Variants in OS9 observed in about 807,000 individuals in gnomAD.
The protein encoded by OS9 is protein OS-9.
Under a neutral mutation model 84.7 loss-of-function variants are expected in OS9, and 58 were observed. That is an observed-to-expected ratio of 0.68 (90% CI 0.55 to 0.85). The LOEUF (loss-of-function observed/expected upper bound fraction) is 0.85. Among genes scored for constraint, OS9 ranks in the 40% least tolerant of loss-of-function variants. The pLI, the probability that OS9 is intolerant of heterozygous loss-of-function variation, is 0.00. For missense variants in OS9, 760 were observed against 850.9 expected, an observed-to-expected ratio of 0.89 and a Z score of 1.33; for synonymous variants, 278 against 320.8, an observed-to-expected ratio of 0.87 and a Z score of 1.43.
Position 57,719,000 on chromosome 12 carries a change from A to AAG in OS9, c.1421_1422dup (p.Leu475SerfsTer7). The AAG allele has an allele frequency of 6.2e-7, 1 of 1,613,048 alleles. No homozygotes were observed. The highest frequency in any genetic ancestry group is 8.5e-7 in the Non-Finnish European group (1 of 1,179,608). On this transcript the variant is annotated frameshift_variant, in exon 12 of 15. Coordinates refer to ENST00000315970, the MANE Select transcript of OS9 (RefSeq NM_006812.4). LOFTEE classifies it high-confidence loss of function. ...TTCTCTTGGGTATTCCAGACAGAGA[A>AAG]AGAGCTGGACCCAGATGGGCTGAAG...
At chr12:57,719,892 G>A (rs1369037223) in intron 12 of OS9, 7 of 529,398 alleles carry the variant, frequency 1.3e-5, no homozygotes, top group Non-Finnish European at 2.3e-5. Context: ...AGGGCGGGAA[G>A]ATGGAAGGCT....
Position 57,721,021 on chromosome 12 carries a change from T to C in OS9, c.*112T>C. Reference sequence around the variant, plus strand: ...TGAGGGCCAAACAGCAGAGTGGAGCTGAGCTGTGGACCTCTCGGGCAACTC... The same window carrying C: ...TGAGGGCCAAACAGCAGAGTGGAGCCGAGCTGTGGACCTCTCGGGCAACTC... On this transcript the variant is annotated 3_prime_UTR_variant, in exon 15 of 15. Coordinates refer to ENST00000315970, the MANE Select transcript of OS9 (RefSeq NM_006812.4). 5 of 1,289,548 alleles carry C rather than the reference T, an allele frequency of 3.9e-6. No homozygotes were observed. Among genetic ancestry groups the C allele is most frequent in the Non-Finnish European group, 5.5e-6 (5 of 910,200 alleles). 79.9% of individuals were successfully genotyped at this position (1,289,548 alleles called of 1,614,324 possible). A position where few individuals can be genotyped will look rare whatever the true frequency, so the allele number is the denominator to read the frequency against.
In OS9 at chr12:57,695,185, G is replaced by A. The variant is rs1428685477; in HGVS notation, c.339+259G>A. ...AAGATTGAGGGTCTGCGTGGGGTAG[G>A]AGGAGTACTTCCTTAAGCCTACTTG... On this transcript the variant is annotated intron_variant, in intron 2 of 14. Transcript: ENST00000315970. 4 of 514,310 alleles carry A rather than the reference G, an allele frequency of 7.8e-6. No homozygotes were observed. In the East Asian group the frequency reaches 1.1e-4, roughly 14 times the overall value. The allele number at this position is 514,310 out of a possible 1,614,324, so 31.9% of individuals were successfully genotyped here. A position where few individuals can be genotyped will look rare whatever the true frequency, so the allele number is the denominator to read the frequency against.
rs799265 is a variant in OS9, at chr12:57,718,406, A to G, written c.1395A>G (p.Glu465=). Residue 465 remains glutamate (E), a synonymous_variant, in exon 11 of 15, where the codon GAA becomes GAG. Coordinates refer to ENST00000315970, the MANE Select transcript of OS9 (RefSeq NM_006812.4). The stretch of plus-strand genomic sequence containing the variant: ...AGGCTGGCATGGAGCGGGAACTGGA[A>G]AACATCATCCAGGAGGCAAGCCCAG... ...EVKAGMEREL[E]NIIQETEKEL... 663,459 of 1,613,236 alleles carry G rather than the reference A, an allele frequency of 0.41. 139,776 individuals carry two copies. The highest frequency in any genetic ancestry group is 0.52 in the Middle Eastern group (3,060 of 5,926).
At chr12:57,697,672 C>T (rs183275254) in intron 5 of OS9, among the ~76,000 whole-genome samples, 5 of 152,236 alleles carry the variant, frequency 3.3e-5, no homozygotes, top group African/African-American at 7.2e-5. Flanking sequence ...AATTCAGGGA[C>T]AAGGTCTGGG....
intron 2 of OS9, 51 bp from the exon 3 acceptor site, chr12:57,695,729 G>C (rs1400552870): frequency 3.3e-6 from 4 of 1,215,892 alleles, no homozygotes; most frequent in Non-Finnish European, 4.9e-6. Flanking sequence ...CTGGTTCCAA[G>C]AAAAGATGTC....
chr12:57,700,155 A>G (rs1690334977), intron 5 of OS9, among the ~76,000 whole-genome samples: 1 of 151,914 alleles, frequency 6.6e-6, no homozygotes, highest in Admixed American at 6.6e-5. Flanking sequence ...AGAAGTTTGG[A>G]TATGAAAGGG....
In OS9 at chr12:57,720,851, G is replaced by A. The variant is rs139171179; in HGVS notation, c.1946G>A (p.Arg649Gln). The change falls in exon 15 of 15, where the codon CGG becomes CAG. Residue 649 changes from arginine (R) to glutamine (Q), a missense_variant. By Grantham distance (43) the Arg-to-Gln change is conservative. Transcript: ENST00000315970. ...AAAGAGCTGGAGAGCAATTACCGCC[G>A]GGTGTGGGGCTCTCCAGGTGGGGAG... is the stretch of plus-strand genomic sequence containing the variant. Reference protein sequence around the residue: ...RQKELESNYRRVWGSPGGEGT... With the variant: ...RQKELESNYRQVWGSPGGEGT... The A allele has an allele frequency of 2.5e-5, 40 of 1,614,088 alleles. No homozygotes were observed. The highest frequency in any genetic ancestry group is 3.1e-5 in the Non-Finnish European group (36 of 1,179,966).
intron 5 of OS9, among the ~76,000 whole-genome samples, chr12:57,708,690 A>G (rs1215490063): frequency 6.6e-6 from 1 of 151,494 alleles, no homozygotes; most frequent in Non-Finnish European, 1.5e-5. Flanking sequence ...ATATAGTTGT[A>G]TCATTTTTTA....
chr12:57,701,315 A>C (rs1278141883), intron 5 of OS9, among the ~76,000 whole-genome samples: 1 of 117,608 alleles, frequency 8.5e-6, no homozygotes, highest in Non-Finnish European at 1.6e-5. Context: ...TCGCTCTGTC[A>C]CCCAGGCTGG....
At chr12:57,701,707 C>T (rs1954030833) in intron 5 of OS9, among the ~76,000 whole-genome samples, 1 of 152,160 alleles carries the variant, frequency 6.6e-6, no homozygotes, top group African/African-American at 2.4e-5. Context: ...TGTGAGTGTA[C>T]AAGAATTTCT....
chr12:57,696,807 GA>G (rs796839432), intron 5 of OS9, among the ~76,000 whole-genome samples: 59 of 138,116 alleles, frequency 4.3e-4, no homozygotes, highest in South Asian at 1.9e-3. Flanking sequence ...AAAAAGAAAA[GA>G]AAAAAAAAAA....
Position 57,694,791 on chromosome 12 carries a change from A to G in OS9, c.204A>G (p.Lys68=). Residue 68 remains lysine (K), a synonymous_variant, in exon 2 of 15, where the codon AAA becomes AAG. Coordinates refer to ENST00000315970, the MANE Select transcript of OS9 (RefSeq NM_006812.4). ...SDVVIVSSKY[K]QRYECRLPAG... ...TGGTGATTGTCTCCTCTAAGTACAA[A>G]CAGCGCTATGAGTGTCGCCTGCCAG... is the stretch of plus-strand genomic sequence containing the variant. 1 of 1,613,966 alleles carries G rather than the reference A, an allele frequency of 6.2e-7. No homozygotes were observed. Among genetic ancestry groups the G allele is most frequent in the Non-Finnish European group, 8.5e-7 (1 of 1,180,010 alleles).
intron 5 of OS9, among the ~76,000 whole-genome samples, chr12:57,701,796 T>TGTTTC (rs1010755882): frequency 1.7e-4 from 26 of 151,700 alleles, no homozygotes; most frequent in African/African-American, 6.1e-4. Context: ...TTGTTTGTTT[T>TGTTTC]GTTTTGTTTT....
At chr12:57,720,707 C>T in intron 14 of OS9, 77 bp from the exon 15 acceptor site, 2 of 1,529,158 alleles carry the variant, frequency 1.3e-6, no homozygotes, top group Non-Finnish European at 1.8e-6. Flanking sequence ...TCCCTGCCTT[C>T]CCCCAGCTGC....
chr12:57,705,953 G>A (rs7295422), intron 5 of OS9, among the ~76,000 whole-genome samples: 56,843 of 152,056 alleles, frequency 0.37, 11,074 homozygotes, highest in Middle Eastern at 0.6. Context: ...TGGATTTTCT[G>A]TATAGATAAT....
chr12:57,704,222 A>T (rs574916694), intron 5 of OS9, among the ~76,000 whole-genome samples: 1 of 152,244 alleles, frequency 6.6e-6, no homozygotes, highest in African/African-American at 2.4e-5. Flanking sequence ...TTAGTTGAGG[A>T]ATTTTGCATC....
At chr12:57,711,635 A>G (rs1402194853) in intron 5 of OS9, among the ~76,000 whole-genome samples, 1 of 152,166 alleles carries the variant, frequency 6.6e-6, no homozygotes, top group African/African-American at 2.4e-5. Flanking sequence ...ATGAGCCACC[A>G]TGCCTGGCCC....
intron 9 of OS9, 132 bp from the exon 10 acceptor site, chr12:57,717,738 A>T: frequency 1.6e-6 from 1 of 619,666 alleles, no homozygotes; most frequent in South Asian, 2.2e-5. Context: ...GGTTGCAGTG[A>T]GCAGAGATTG....
Sources: allele counts gnomAD v4.1 joint callset (sites outside exome capture counted in the v4.1 genomes callset), GRCh38; gene constraint gnomAD v4.1.1; transcripts MANE v1.5; gene names NCBI Gene and HGNC (gene_info 2026-07-23, HGNC 2026-07-21).